The following TEK variants were observed in gnomAD, a reference collection of about 807,000 sequenced individuals.
TEK encodes angiopoietin-1 receptor.
Under a neutral mutation model 131.8 loss-of-function variants are expected in TEK, and 43 were observed. That is an observed-to-expected ratio of 0.33 (90% CI 0.26 to 0.42). TEK has a LOEUF of 0.42. Ranked by LOEUF, TEK falls within the 10% of genes least tolerant of loss-of-function variation. The probability of loss-of-function intolerance (pLI) is 1.00; values close to 1 mark genes in which losing one functional copy is unlikely to be tolerated. For synonymous variants in TEK, 580 were observed against 491.6 expected, an observed-to-expected ratio of 1.18 and a Z score of -2.38; for missense variants, 1,162 against 1,384.4, an observed-to-expected ratio of 0.84 and a Z score of 2.55.
At chr9:27,121,936 T>G (rs569098506) in intron 1 of TEK, among the ~76,000 whole-genome samples, 1 of 152,322 alleles carries the variant, frequency 6.6e-6, no homozygotes, top group South Asian at 2.1e-4. Flanking sequence ...GAAACAGAGT[T>G]TCACAGTGAT....
At chr9:27,202,695 G>A in intron 12 of TEK, 125 bp from the exon 13 acceptor site, 1 of 990,390 alleles carries the variant, frequency 1.0e-6, no homozygotes, top group Non-Finnish European at 1.5e-6. Context: ...CCAATTGATT[G>A]GGGTACCATA....
chr9:27,208,452 C>T (rs959997543), intron 15 of TEK, among the ~76,000 whole-genome samples: 1 of 152,128 alleles, frequency 6.6e-6, no homozygotes, highest in Non-Finnish European at 1.5e-5. Context: ...GCTGTGTTCT[C>T]CCTCTGGTTA....
intron 6 of TEK, among the ~76,000 whole-genome samples, chr9:27,178,014 G>A (rs183886903): frequency 1.3e-5 from 2 of 152,062 alleles, no homozygotes; most frequent in African/African-American, 4.8e-5. Context: ...GTGCTTTTGA[G>A]GTCATATCCA....
chr9:27,166,976 TCTTC>T (rs1327605974), intron 2 of TEK, among the ~76,000 whole-genome samples: 1 of 152,250 alleles, frequency 6.6e-6, no homozygotes, highest in Non-Finnish European at 1.5e-5. Context: ...AGACTGTTTC[TCTTC>T]CTTTAGTGGT....
chr9:27,188,479 G>A (rs562525467), intron 9 of TEK, among the ~76,000 whole-genome samples: 5 of 152,282 alleles, frequency 3.3e-5, no homozygotes, highest in South Asian at 2.1e-4. Flanking sequence ...GTAATAAAAT[G>A]TGCATCTGCT....
intron 1 of TEK, among the ~76,000 whole-genome samples, chr9:27,137,914 T>C (rs1822548639): frequency 6.6e-6 from 1 of 152,178 alleles, no homozygotes; most frequent in African/African-American, 2.4e-5. Flanking sequence ...GTTACAGTTC[T>C]TAAAGATGGT....
At chr9:27,196,284 G>T (rs1469273322) in intron 11 of TEK, among the ~76,000 whole-genome samples, 1 of 152,050 alleles carries the variant, frequency 6.6e-6, no homozygotes, top group Non-Finnish European at 1.5e-5. Context: ...CCACTGAATG[G>T]CTATATCATA....
intron 12 of TEK, among the ~76,000 whole-genome samples, chr9:27,199,841 T>G (rs141138367): frequency 1.3e-5 from 2 of 152,326 alleles, no homozygotes; most frequent in Non-Finnish European, 2.9e-5. Flanking sequence ...TGGTGGCTTT[T>G]AACCCACAGA....
chr9:27,168,244 G>T (rs1239168222), intron 2 of TEK, among the ~76,000 whole-genome samples: 2 of 152,190 alleles, frequency 1.3e-5, no homozygotes, highest in Non-Finnish European at 2.9e-5. Flanking sequence ...TAGAAAAATT[G>T]TGTATAGGCA....
intron 21 of TEK, among the ~76,000 whole-genome samples, chr9:27,226,967 C>G (rs73643161): frequency 0.01 from 1,591 of 151,566 alleles, 24 homozygotes; most frequent in African/African-American, 0.036. Context: ...CTCACTGGAG[C>G]AAGAAGCATA....
chr9:27,137,388 A>G (rs1026561052), intron 1 of TEK, among the ~76,000 whole-genome samples: 5 of 152,102 alleles, frequency 3.3e-5, no homozygotes, highest in African/African-American at 7.2e-5. Context: ...GGGATTTTTG[A>G]TTTTTCACAT....
At chr9:27,175,270 G>A (rs1190458586) in intron 6 of TEK, among the ~76,000 whole-genome samples, 2 of 150,634 alleles carry the variant, frequency 1.3e-5, no homozygotes, top group East Asian at 3.9e-4. Flanking sequence ...AGTTTACTGA[G>A]AATGATGATT....
At chr9:27,132,563 A>G (rs1009396478) in intron 1 of TEK, among the ~76,000 whole-genome samples, 2 of 152,184 alleles carry the variant, frequency 1.3e-5, no homozygotes, top group Non-Finnish European at 2.9e-5. Context: ...TGGCCTATTG[A>G]AATGAGACAA....
intron 1 of TEK, among the ~76,000 whole-genome samples, chr9:27,114,926 C>G (rs1821491505): frequency 6.6e-6 from 1 of 152,158 alleles, no homozygotes; most frequent in Admixed American, 6.5e-5. Flanking sequence ...ATTCACTCAT[C>G]TATCCTTTCA....
chr9:27,202,382 C>T (rs914756785), intron 12 of TEK, among the ~76,000 whole-genome samples: 22 of 152,160 alleles, frequency 1.4e-4, no homozygotes, highest in African/African-American at 4.8e-4. Context: ...AGTAGTGTCA[C>T]CATGGCTAAG....
At chr9:27,185,080 C>T (rs78065315) in intron 8 of TEK, among the ~76,000 whole-genome samples, 2,069 of 152,018 alleles carry the variant, frequency 0.014, 49 homozygotes, top group African/African-American at 0.047. Context: ...CTCTTCAGAA[C>T]CCTGGATTTT....
rs543454694 is a variant in TEK at position 27,121,343 on chromosome 9, A to T, written c.52+11701A>T. ...CTCTGTCTCAAAATAAATAAATAAA[A>T]AAAATAGCTTTGCTTTGTATTAAAT... On this transcript the variant is annotated intron_variant, in intron 1 of 22. Coordinates refer to ENST00000380036, the MANE Select transcript of TEK (RefSeq NM_000459.5). 2.9e-3 allele frequency among the ~76,000 whole-genome samples: 441 copies of T among 152,210 alleles called. 2 individuals are homozygous for T. Among genetic ancestry groups the T allele is most frequent in the Non-Finnish European group, 3.2e-3 (216 of 68,020 alleles).
intron 11 of TEK, among the ~76,000 whole-genome samples, chr9:27,195,393 C>T (rs918723624): frequency 2.6e-5 from 4 of 152,128 alleles, no homozygotes; most frequent in African/African-American, 4.8e-5. Flanking sequence ...GTTTCAGATA[C>T]GTTTATCCTA....
chr9:27,137,799 G>A (rs772936349), intron 1 of TEK, among the ~76,000 whole-genome samples: 1 of 152,030 alleles, frequency 6.6e-6, no homozygotes, highest in Non-Finnish European at 1.5e-5. Context: ...CTTTAGTTAG[G>A]TTTATTTTTT....
Sources: allele counts gnomAD v4.1 joint callset (sites outside exome capture counted in the v4.1 genomes callset), GRCh38; gene constraint gnomAD v4.1.1; transcripts MANE v1.5; gene names NCBI Gene and HGNC (gene_info 2026-07-23, HGNC 2026-07-21).